Variants in IPPK observed in about 807,000 individuals in gnomAD.
IPPK encodes the protein inositol-pentakisphosphate 2-kinase.
In IPPK, 22 loss-of-function variants were observed where a neutral mutation model predicts 64.6. That is an observed-to-expected ratio of 0.34 (90% CI 0.24 to 0.49). IPPK has a LOEUF of 0.49. Among genes scored for constraint, IPPK ranks in the 20% least tolerant of loss-of-function variants. IPPK has a pLI of 0.99. For synonymous variants in IPPK, 262 were observed against 247.2 expected (o/e 1.06, Z -0.56); for missense variants, 532 against 630.7 (o/e 0.84, Z 1.68).
At position 92,635,704 on chromosome 9, in the gene IPPK, C is replaced by A. The variant is rs1281749687; in HGVS notation, c.917-396G>T. On this transcript the variant is annotated intron_variant, in intron 9 of 12. Coordinates refer to ENST00000287996, the MANE Select transcript of IPPK (RefSeq NM_022755.6). This position sits in a 1 kb window ranked among gnomAD's most constrained non-coding sequence, Gnocchi z 4.4. ...TTTAAGTCAGGTCACAAAATTTCTTCTTTTTCTTTTCTTTTTTTTTTTTGA... is the reference window on the plus strand; with the variant it reads ...TTTAAGTCAGGTCACAAAATTTCTTATTTTTCTTTTCTTTTTTTTTTTTGA... Among the ~76,000 whole-genome samples the A allele has an allele frequency of 6.6e-6, 1 of 151,850 alleles. No homozygotes were observed. The highest frequency in any genetic ancestry group is 1.5e-5 in the Non-Finnish European group (1 of 67,922).
chr9:92,636,005 T>C (rs1851935963), intron 9 of IPPK, among the ~76,000 whole-genome samples: 1 of 152,038 alleles, frequency 6.6e-6, no homozygotes, highest in Admixed American at 6.5e-5. Context: ...ACCTGTTATA[T>C]CATAGGGACA....
chr9:92,618,133 G>A, intron 12 of IPPK: 1 of 423,116 alleles, frequency 2.4e-6, no homozygotes, highest in Non-Finnish European at 4.8e-6. Context: ...CACCTTCCTG[G>A]AAGCAGGCCC....
Position 92,615,419 on chromosome 9 carries a change from A to T in IPPK, c.*413T>A, listed in dbSNP as rs552252219. 3.4e-5 allele frequency: 6 copies of T among 175,812 alleles called. No homozygotes were observed. Among genetic ancestry groups the T allele is most frequent in the African/African-American group, 1.4e-4 (6 of 41,786 alleles). 10.9% of individuals were successfully genotyped at this position (175,812 alleles called of 1,614,324 possible). ...GTTCCAGTAGTATCCATGTTTTCTT[A>T]AAAGTCCAAACTGTAAAATGTATGT... On this transcript the variant is annotated 3_prime_UTR_variant, in exon 13 of 13. Coordinates refer to ENST00000287996, the MANE Select transcript of IPPK (RefSeq NM_022755.6).
At chr9:92,645,197 C>T (rs1042328132) in intron 6 of IPPK, among the ~76,000 whole-genome samples, 1 of 151,842 alleles carries the variant, frequency 6.6e-6, no homozygotes, top group Non-Finnish European at 1.5e-5. Context: ...TCGAGACCAG[C>T]CTGGGCAACA....
rs531155183 is a variant in IPPK, at chr9:92,670,071, C to T, written c.-83G>A. On this transcript the variant is annotated 5_prime_UTR_variant, in exon 1 of 13. Coordinates refer to ENST00000287996, the MANE Select transcript of IPPK (RefSeq NM_022755.6). ...CGCCCGCCTCGCTGGGAACCAGCCG[C>T]TGCGGTCGGGGGAGGAGCGCCTGTC... 6 of 1,047,456 alleles carry T rather than the reference C, an allele frequency of 5.7e-6. No homozygotes were observed. The South Asian group carries it at 7.3e-5, about 13-fold the overall frequency. 64.9% of individuals were successfully genotyped at this position (1,047,456 alleles called of 1,614,324 possible). A position where few individuals can be genotyped will look rare whatever the true frequency, so the allele number is the denominator to read the frequency against.
rs145725375 is a variant in IPPK, at chr9:92,656,531, T to A, written c.150A>T (p.Gln50His). 1 of 1,612,764 alleles carries A rather than the reference T, an allele frequency of 6.2e-7. No homozygotes were observed. Among genetic ancestry groups the A allele is most frequent in the East Asian group, 2.2e-5 (1 of 44,858 alleles). The change falls in exon 3 of 13, where the codon CAA becomes CAT. Residue 50 changes from glutamine to histidine, a missense_variant. Gln to His is a conservative substitution (Grantham distance 24). Transcript: ENST00000287996. ...CAAAGTCCACTATGTTCTGCAGGTGTTGAAATATCTCTTCCGAGGTCTGTA... is the reference window on the plus strand; with the variant it reads ...CAAAGTCCACTATGTTCTGCAGGTGATGAAATATCTCTTCCGAGGTCTGTA... ...NRKKTSEEIF[Q>H]HLQNIVDFGK... is the part of the protein sequence containing the mutation.
At chr9:92,649,664 T>A in intron 4 of IPPK, 90 bp from the exon 5 acceptor site, 3 of 1,463,268 alleles carry the variant, frequency 2.1e-6, no homozygotes, top group Non-Finnish European at 2.8e-6. Context: ...TTGTCCCTGG[T>A]TCCAGGGGGC....
At chr9:92,627,290 ATAAT>A (rs1460131456) in intron 11 of IPPK, among the ~76,000 whole-genome samples, 1 of 152,234 alleles carries the variant, frequency 6.6e-6, no homozygotes, top group African/African-American at 2.4e-5. Context: ...TATTTAAAGA[ATAAT>A]TAATACCAAT....
intron 11 of IPPK, among the ~76,000 whole-genome samples, chr9:92,626,258 G>A (rs1232401579): frequency 2.0e-5 from 3 of 152,058 alleles, no homozygotes; most frequent in East Asian, 1.9e-4. Context: ...TTAGCTGGGC[G>A]TGGTGGCAGG....
rs1432729736 is a variant in IPPK at position 92,635,634 on chromosome 9, G to T, written c.917-326C>A. 6.6e-6 allele frequency among the ~76,000 whole-genome samples: 1 copy of T among 152,084 alleles called. No individual in the cohort carries two copies. The highest frequency in any genetic ancestry group is 1.9e-4 in the East Asian group (1 of 5,184). ...ATGTCCTTTAGATTCCACCACAACA[G>T]CCCTGGAAGTCACTTTATGATCTAA... On this transcript the variant is annotated intron_variant, in intron 9 of 12. Transcript: ENST00000287996. The surrounding 1 kb of genome is among the most constrained non-coding windows in gnomAD (Gnocchi z 4.4).
chr9:92,658,514 C>A, intron 2 of IPPK, 120 bp downstream of exon 2: 1 of 864,598 alleles, frequency 1.2e-6, no homozygotes. Context: ...ACTTTCTGCA[C>A]TGAATGCTTG....
chr9:92,662,449 G>A (rs1029015687), intron 1 of IPPK, among the ~76,000 whole-genome samples: 3 of 152,068 alleles, frequency 2.0e-5, no homozygotes, highest in Non-Finnish European at 4.4e-5. Flanking sequence ...CTTGAACCCA[G>A]GAGGCAGAGA....
intron 6 of IPPK, 46 bp from the exon 7 acceptor site, chr9:92,642,856 A>G: frequency 6.9e-7 from 1 of 1,448,824 alleles, no homozygotes; most frequent in South Asian, 1.1e-5. Context: ...GGCGCTGGTG[A>G]CTGCACTGTG....
At chr9:92,640,819 C>T in intron 7 of IPPK, 37 bp from the exon 8 acceptor site, 1 of 1,409,248 alleles carries the variant, frequency 7.1e-7, no homozygotes, top group Admixed American at 1.7e-5. Context: ...TTAAATGCAG[C>T]TGGAACTGAC....
rs768001816 is a variant in IPPK at position 92,634,368 on chromosome 9, T to C, written c.1170+18A>G. ...AAGCTAAGGATCACACAGCAAGTTT[T>C]TGGATGGGTCTGCCCACCTTCGTTA... is the stretch of plus-strand genomic sequence containing the variant. On this transcript the variant is annotated intron_variant, in intron 11 of 12. Coordinates refer to ENST00000287996, the MANE Select transcript of IPPK (RefSeq NM_022755.6). 2.1e-5 allele frequency: 34 copies of C among 1,585,460 alleles called. No individual in the cohort carries two copies. Among genetic ancestry groups the C allele is most frequent in the South Asian group, 7.8e-5 (7 of 90,030 alleles).
intron 3 of IPPK, among the ~76,000 whole-genome samples, chr9:92,655,842 C>T (rs1464256703): frequency 6.6e-6 from 1 of 152,180 alleles, no homozygotes; most frequent in Non-Finnish European, 1.5e-5. Context: ...AGTCAACACC[C>T]ACAGCAGCTG....
intron 11 of IPPK, among the ~76,000 whole-genome samples, chr9:92,631,452 G>C (rs1383023396): frequency 6.6e-6 from 1 of 152,126 alleles, no homozygotes; most frequent in East Asian, 1.9e-4. Flanking sequence ...ACAGTGTTGG[G>C]ATTATAGGCG....
intron 12 of IPPK, chr9:92,616,277 G>A (rs1021276823): frequency 4.0e-6 from 2 of 498,436 alleles, no homozygotes; most frequent in East Asian, 7.3e-5. Context: ...CTGTGCGTGT[G>A]ACAGCTGTCT....
At chr9:92,627,093 T>G (rs927524529) in intron 11 of IPPK, among the ~76,000 whole-genome samples, 1 of 152,082 alleles carries the variant, frequency 6.6e-6, no homozygotes, top group East Asian at 1.9e-4. Context: ...TAAATATCTG[T>G]AGGCCAATAA....
Sources: allele counts gnomAD v4.1 joint callset (sites outside exome capture counted in the v4.1 genomes callset), GRCh38; gene constraint gnomAD v4.1.1; non-coding constraint Gnocchi (gnomAD v3.1); transcripts MANE v1.5; gene names NCBI Gene and HGNC (gene_info 2026-07-23, HGNC 2026-07-21).